ABCF1: variants seen among roughly 807,000 people sequenced by gnomAD.
ABCF1 encodes ATP binding cassette subfamily F member 1.
ABCF1 carries 73 observed loss-of-function variants against 126.3 expected under a neutral mutation model. The ratio of observed to expected loss-of-function variants is 0.58; its 90% confidence interval spans 0.48 to 0.70. The LOEUF is 0.70. Among genes scored for constraint, ABCF1 ranks in the 30% least tolerant of loss-of-function variants. ABCF1 has a pLI of 0.00. For synonymous variants in ABCF1, 345 were observed against 396.4 expected (o/e 0.87, Z 1.54); for missense variants, 786 against 1,057.5 (o/e 0.74, Z 3.56).
chr6:30,583,845 G>A lies in ABCF1; in HGVS notation c.1057G>A (p.Ala353Thr). 6.2e-7 allele frequency: 1 copy of A among 1,614,182 alleles called. No individual in the cohort carries two copies. Among genetic ancestry groups the A allele is most frequent in the Non-Finnish European group, 8.5e-7 (1 of 1,180,036 alleles). The change falls in exon 12 of 25, where the codon GCC becomes ACC. Residue 353 changes from alanine to threonine, a missense_variant. Ala to Thr is a moderately conservative substitution (Grantham distance 58, BLOSUM62 0). Transcript: ENST00000326195. This position sits in a 1 kb window ranked among gnomAD's most constrained non-coding sequence, Gnocchi z 4.1. Reference sequence around the variant, plus strand: ...ACTCCTCAAGCACATTGCCAACCGAGCCCTGAGCATCCCTCCCAACATTGA... The same window carrying A: ...ACTCCTCAAGCACATTGCCAACCGAACCCTGAGCATCCCTCCCAACATTGA... ...TTLLKHIANRALSIPPNIDVL... is the reference protein window; with the variant it reads ...TTLLKHIANRTLSIPPNIDVL...
In ABCF1 at chr6:30,584,021, G is replaced by T; in HGVS notation, c.1102+131G>T. ...TGGAGGGAGACTGGAGACCGGGAAA[G>T]GGATGCTAAGGAAAGGAGGGGAGGG... On this transcript the variant is annotated intron_variant, in intron 12 of 24. Transcript: ENST00000326195. The surrounding 1 kb of genome is among the most constrained non-coding windows in gnomAD (Gnocchi z 4.6). 2 of 1,384,600 alleles carry T rather than the reference G, an allele frequency of 1.4e-6. No homozygotes were observed. Among genetic ancestry groups the T allele is most frequent in the Non-Finnish European group, 2.0e-6 (2 of 1,003,862 alleles). The allele number at this position is 1,384,600 out of a possible 1,614,324, so 85.8% of individuals were successfully genotyped here. A position where few individuals can be genotyped will look rare whatever the true frequency, so the allele number is the denominator to read the frequency against.
rs186584091 is a variant in ABCF1 at position 30,581,879 on chromosome 6, G to A, written c.679-515G>A. 3.7e-3 allele frequency among the ~76,000 whole-genome samples: 568 copies of A among 152,212 alleles called. 5 individuals are homozygous for A. Among genetic ancestry groups the A allele is most frequent in the Middle Eastern group, 0.027 (8 of 294 alleles). The stretch of plus-strand genomic sequence containing the variant: ...AATACACATTCATACCATTTGTCTT[G>A]TACCATTCCTGGTAGCAGAAATTAA... On this transcript the variant is annotated intron_variant, in intron 8 of 24. Transcript: ENST00000326195.
intron 1 of ABCF1, among the ~76,000 whole-genome samples, chr6:30,572,529 A>G (rs1801306362): frequency 6.6e-6 from 1 of 152,088 alleles, no homozygotes; most frequent in Non-Finnish European, 1.5e-5. Flanking sequence ...TTTGAGGCAC[A>G]TTGTAGCTCC....
Position 30,580,441 on chromosome 6 carries a change from G to A in ABCF1, c.600G>A (p.Glu200=), listed in dbSNP as rs758935740. Reference sequence around the variant, plus strand: ...AATTCGCTGCTCTGGACAATGAAGAGGAGGATAAAGAAGAAGAAATTATAA... The same window carrying A: ...AATTCGCTGCTCTGGACAATGAAGAAGAGGATAAAGAAGAAGAAATTATAA... ...QNKFAALDNE[E]EDKEEEIIKE... The change falls in exon 8 of 25, where the codon GAG becomes GAA. Residue 200 remains glutamate, a synonymous_variant. Coordinates refer to ENST00000326195, the MANE Select transcript of ABCF1 (RefSeq NM_001025091.2). 71 of 1,539,596 alleles carry A rather than the reference G, an allele frequency of 4.6e-5. No homozygotes were observed. The highest frequency in any genetic ancestry group is 5.1e-5 in the Non-Finnish European group (59 of 1,156,014).
intron 14 of ABCF1, 97 bp from the exon 15 acceptor site, chr6:30,585,163 G>T: frequency 9.0e-7 from 1 of 1,112,654 alleles, no homozygotes; most frequent in Non-Finnish European, 1.4e-6. Flanking sequence ...GGGAAGGAGT[G>T]TTCATGGTCT....
In ABCF1 at chr6:30,584,698, G is replaced by C; in HGVS notation, c.1391+132G>C. 1 of 1,268,656 alleles carries C rather than the reference G, an allele frequency of 7.9e-7. No homozygotes were observed. The allele number at this position is 1,268,656 out of a possible 1,614,324, so 78.6% of individuals were successfully genotyped here. The stretch of plus-strand genomic sequence containing the variant: ...CCTCTCCCTCCTTACTATCTGTGTT[G>C]TGAGAACTTAGGGTCTTTCTCTATT... On this transcript the variant is annotated intron_variant, in intron 14 of 24. Coordinates refer to ENST00000326195, the MANE Select transcript of ABCF1 (RefSeq NM_001025091.2). This position sits in a 1 kb window ranked among gnomAD's most constrained non-coding sequence, Gnocchi z 4.6.
chr6:30,588,877 C>G (rs1445737515), intron 20 of ABCF1, among the ~76,000 whole-genome samples: 1 of 152,102 alleles, frequency 6.6e-6, no homozygotes, highest in Admixed American at 6.6e-5. Context: ...GTATGGAGAG[C>G]AGGTGTTCTT....
chr6:30,578,456 C>T lies in ABCF1; in HGVS notation c.382-14C>T. 1 of 1,614,002 alleles carries T rather than the reference C, an allele frequency of 6.2e-7. No homozygotes were observed. Among genetic ancestry groups the T allele is most frequent in the South Asian group, 1.1e-5 (1 of 91,074 alleles). On this transcript the variant is annotated splice_polypyrimidine_tract_variant and intron_variant, in intron 5 of 24. Coordinates refer to ENST00000326195, the MANE Select transcript of ABCF1 (RefSeq NM_001025091.2). ...GACCATCCTACTGACTTCTGTGGCCCTTTCATTCTCTAGGGTGGTAATGTT... is the reference window on the plus strand; with the variant it reads ...GACCATCCTACTGACTTCTGTGGCCTTTTCATTCTCTAGGGTGGTAATGTT...
rs1261290063 is a variant in ABCF1, at chr6:30,585,875, C to T, written c.1601-4C>T. 7 of 1,599,506 alleles carry T rather than the reference C, an allele frequency of 4.4e-6. No individual in the cohort carries two copies. Among genetic ancestry groups the T allele is most frequent in the Non-Finnish European group, 6.0e-6 (7 of 1,172,548 alleles). The stretch of plus-strand genomic sequence containing the variant: ...CTGATGCCTGGTCCCCTCTTCTGCC[C>T]CAGTGACCTTCAAAAAGATGTACCA... On this transcript the variant is annotated splice_polypyrimidine_tract_variant and splice_region_variant and intron_variant, in intron 16 of 24. Coordinates refer to ENST00000326195, the MANE Select transcript of ABCF1 (RefSeq NM_001025091.2).
In ABCF1 at chr6:30,586,407, C is replaced by G; in HGVS notation, c.1886-67C>G. Reference sequence around the variant, plus strand: ...CTGAGATTGCTCCTGTTCTCCAAGGCCAGCACATGAGAGGGACTTTGCAGG... The same window carrying G: ...CTGAGATTGCTCCTGTTCTCCAAGGGCAGCACATGAGAGGGACTTTGCAGG... On this transcript the variant is annotated intron_variant, in intron 18 of 24. Coordinates refer to ENST00000326195, the MANE Select transcript of ABCF1 (RefSeq NM_001025091.2). The surrounding 1 kb of genome is among the most constrained non-coding windows in gnomAD (Gnocchi z 4.9). 6 of 1,608,246 alleles carry G rather than the reference C, an allele frequency of 3.7e-6. No homozygotes were observed. The highest frequency in any genetic ancestry group is 4.3e-6 in the Non-Finnish European group (5 of 1,175,718).
chr6:30,579,909 T>C (rs755655981), intron 6 of ABCF1, 22 bp from the exon 7 acceptor site: 89 of 1,609,426 alleles, frequency 5.5e-5, no homozygotes, highest in Non-Finnish European at 7.2e-5. Flanking sequence ...ATGTGTGTAA[T>C]GTGTATGTGT....
rs1801410161 is a variant in ABCF1 at position 30,574,739 on chromosome 6, G to A, written c.74-2670G>A. ...TGTTTTTTGTGGTTTGTTTTTTGGG[G>A]AGGAGGAGGGCCCCAAACTTTGAAA... is the stretch of plus-strand genomic sequence containing the variant. On this transcript the variant is annotated intron_variant, in intron 1 of 24. Coordinates refer to ENST00000326195, the MANE Select transcript of ABCF1 (RefSeq NM_001025091.2). This position sits in a 1 kb window ranked among gnomAD's most constrained non-coding sequence, Gnocchi z 4.3. Among the ~76,000 whole-genome samples, 1 of 151,990 alleles carries A rather than the reference G, an allele frequency of 6.6e-6. No individual in the cohort carries two copies. The highest frequency in any genetic ancestry group is 2.1e-4 in the South Asian group (1 of 4,824).
chr6:30,585,867 C>T lies in ABCF1; in HGVS notation c.1601-12C>T. ...AGCAACCACTGATGCCTGGTCCCCTCTTCTGCCCCAGTGACCTTCAAAAAG... is the reference window on the plus strand; with the variant it reads ...AGCAACCACTGATGCCTGGTCCCCTTTTCTGCCCCAGTGACCTTCAAAAAG... On this transcript the variant is annotated splice_polypyrimidine_tract_variant and intron_variant, in intron 16 of 24. Transcript: ENST00000326195. 24 of 1,594,598 alleles carry T rather than the reference C, an allele frequency of 1.5e-5. No individual in the cohort carries two copies. The highest frequency in any genetic ancestry group is 2.0e-5 in the Non-Finnish European group (23 of 1,169,706).
chr6:30,582,551 A>G (rs762187423), intron 9 of ABCF1, 44 bp downstream of exon 9: 8 of 1,598,910 alleles, frequency 5.0e-6, no homozygotes, highest in Middle Eastern at 1.7e-4. Flanking sequence ...GGATTTTTAA[A>G]TACTTCAACT....
chr6:30,576,276 CTTTTTTTTT>C (rs9256927), intron 1 of ABCF1, among the ~76,000 whole-genome samples: 38 of 44,158 alleles, frequency 8.6e-4, no homozygotes, highest in East Asian at 5.2e-3. Flanking sequence ...TCTGAGTGCT[CTTTTTTTTT>C]TTTTTTTTTT....
chr6:30,583,192 A>C lies in ABCF1; in HGVS notation c.915+4A>C. ...AGAAAATGCATCTGACATCAAGGTA[A>C]GGTCTCAAGGGGCCCCTTCCAGTCC... On this transcript the variant is annotated splice_donor_region_variant and intron_variant, in intron 10 of 24. Transcript: ENST00000326195. This position sits in a 1 kb window ranked among gnomAD's most constrained non-coding sequence, Gnocchi z 4.1. 2 of 1,601,350 alleles carry C rather than the reference A, an allele frequency of 1.2e-6. No individual in the cohort carries two copies. The highest frequency in any genetic ancestry group is 1.7e-6 in the Non-Finnish European group (2 of 1,170,446).
chr6:30,575,071 C>CTTTT (rs958476559), intron 1 of ABCF1, among the ~76,000 whole-genome samples: 42 of 129,810 alleles, frequency 3.2e-4, no homozygotes, highest in African/African-American at 9.7e-4. Context: ...GACTTTTTTT[C>CTTTT]TTTTTTTTTT....
At chr6:30,580,359 A>AT in intron 7 of ABCF1, 47 bp from the exon 8 acceptor site, 2 of 1,115,524 alleles carry the variant, frequency 1.8e-6, no homozygotes, top group Non-Finnish European at 2.4e-6. Context: ...AAAAAAAAAA[A>AT]GAAAAAAAAA....
intron 21 of ABCF1, 25 bp downstream of exon 21, chr6:30,589,745 AATG>A: frequency 6.2e-7 from 1 of 1,614,074 alleles, no homozygotes. Flanking sequence ...GGATTTAGGG[AATG>A]ATAATCTGAT....
Sources: gnomAD v4.1 joint callset for allele counts (sites outside exome capture counted in the v4.1 genomes callset) on GRCh38, gnomAD v4.1.1 for gene constraint, Gnocchi (gnomAD v3.1) non-coding constraint, MANE v1.5 for transcripts, NCBI Gene and HGNC (gene_info 2026-07-23, HGNC 2026-07-21) for gene names.